SLMAP: variants seen among roughly 807,000 people sequenced by gnomAD.
SLMAP encodes the protein sarcolemmal membrane-associated protein.
SLMAP carries 44 observed loss-of-function variants against 128.8 expected under a neutral mutation model. That is an observed-to-expected ratio of 0.34 (90% CI 0.27 to 0.44). SLMAP has a LOEUF of 0.44. Ranked by LOEUF, SLMAP falls within the 20% of genes least tolerant of loss-of-function variation. The pLI, the probability that SLMAP is intolerant of heterozygous loss-of-function variation, is 1.00. For synonymous variants in SLMAP, 327 were observed against 348.8 expected, an observed-to-expected ratio of 0.94 and a Z score of 0.70; for missense variants, 787 against 985.3, an observed-to-expected ratio of 0.80 and a Z score of 2.69.
intron 2 of SLMAP, among the ~76,000 whole-genome samples, chr3:57,758,662 T>C (rs912332470): frequency 1.3e-5 from 2 of 152,250 alleles, no homozygotes; most frequent in African/African-American, 2.4e-5. Context: ...CTTTTCATTT[T>C]AAGCGTAACC....
At chr3:57,852,409 CTCATTTAA>C (rs1464984725) in intron 6 of SLMAP, among the ~76,000 whole-genome samples, 1 of 152,166 alleles carries the variant, frequency 6.6e-6, no homozygotes, top group Admixed American at 6.5e-5. Context: ...CCAAAATTCC[CTCATTTAA>C]TCCTTGGCTT....
intron 3 of SLMAP, among the ~76,000 whole-genome samples, chr3:57,840,633 G>C (rs151284946): frequency 1.9e-3 from 294 of 152,304 alleles, no homozygotes; most frequent in African/African-American, 6.9e-3. Flanking sequence ...AGATGCAACA[G>C]TGAGAAGCTG....
chr3:57,766,367 CT>C (rs954268123), intron 2 of SLMAP, among the ~76,000 whole-genome samples: 42 of 151,948 alleles, frequency 2.8e-4, no homozygotes, highest in African/African-American at 9.9e-4. Flanking sequence ...AGTATTTATT[CT>C]TTTTGGTAAG....
intron 2 of SLMAP, among the ~76,000 whole-genome samples, chr3:57,821,918 C>T (rs922142829): frequency 2.0e-5 from 3 of 147,214 alleles, no homozygotes; most frequent in African/African-American, 8.0e-5. Flanking sequence ...CCTGTTCCTC[C>T]TCCTCCTCCT....
chr3:57,890,623 A>G (rs2096039097), intron 15 of SLMAP: 1 of 152,350 alleles, frequency 6.6e-6, no homozygotes, highest in Non-Finnish European at 1.5e-5. Flanking sequence ...TAGTCCAGTA[A>G]TTGCCCAAAG....
Position 57,896,251 on chromosome 3 carries a change from C to G in SLMAP, c.1361-260C>G, listed in dbSNP as rs1351425300. The G allele has an allele frequency of 3.5e-6, 4 of 1,143,778 alleles. No homozygotes were observed. The African/African-American group carries it at 4.9e-5, about 14-fold the overall frequency. 70.9% of individuals were successfully genotyped at this position (1,143,778 alleles called of 1,614,324 possible). On this transcript the variant is annotated intron_variant, in intron 15 of 24. Transcript: ENST00000671191. ...TTGCTTCGTTTTTGTTTCCAGTTGGCAAGTGGACAGCCTTGAACAAAAGCC... is the reference window on the plus strand; with the variant it reads ...TTGCTTCGTTTTTGTTTCCAGTTGGGAAGTGGACAGCCTTGAACAAAAGCC...
chr3:57,774,509 A>AATTATTATTATTATTATT (rs66990452), intron 2 of SLMAP, among the ~76,000 whole-genome samples: 8 of 147,400 alleles, frequency 5.4e-5, no homozygotes, highest in African/African-American at 2.0e-4. Context: ...TTTAATAGAC[A>AATTATTATTATTATTATT]ATTATTATTA....
chr3:57,864,903 A>T, intron 12 of SLMAP, 46 bp downstream of exon 12: 4 of 1,455,828 alleles, frequency 2.7e-6, no homozygotes, highest in Non-Finnish European at 3.7e-6. Context: ...TTTTATCCTT[A>T]AACTTTTGAC....
chr3:57,861,711 C>T (rs1357810034), intron 9 of SLMAP, among the ~76,000 whole-genome samples: 1 of 152,128 alleles, frequency 6.6e-6, no homozygotes, highest in Non-Finnish European at 1.5e-5. Context: ...TTTTCCTGCC[C>T]CTGCTCTCCC....
At position 57,929,685 on chromosome 3, in the gene SLMAP, T is replaced by G. The variant is rs2097050908; in HGVS notation, c.*2396T>G. Among the ~76,000 whole-genome samples the G allele has an allele frequency of 1.3e-5, 2 of 152,184 alleles. No individual in the cohort carries two copies. The highest frequency in any genetic ancestry group is 4.8e-5 in the African/African-American group (2 of 41,442). On this transcript the variant is annotated 3_prime_UTR_variant, in exon 25 of 25. Coordinates refer to ENST00000671191, the MANE Select transcript of SLMAP (RefSeq NM_001377540.1). ...TATTCAAAGGTGCTACATGGCAGGG[T>G]TAGAGAATAAAAAGAACGTGGTGTT...
At chr3:57,855,603 A>G (rs1036675319) in intron 6 of SLMAP, among the ~76,000 whole-genome samples, 2 of 149,000 alleles carry the variant, frequency 1.3e-5, no homozygotes, top group African/African-American at 4.9e-5. Context: ...TGGGGCAGGC[A>G]TGGTGGCTCA....
intron 19 of SLMAP, among the ~76,000 whole-genome samples, chr3:57,910,939 A>G (rs1249666123): frequency 2.0e-5 from 3 of 152,204 alleles, no homozygotes; most frequent in East Asian, 1.9e-4. Context: ...TGAGTGGAAC[A>G]TTTGAGTTAT....
intron 22 of SLMAP, 106 bp downstream of exon 22, chr3:57,917,183 C>G: frequency 6.4e-7 from 1 of 1,560,166 alleles, no homozygotes; most frequent in Non-Finnish European, 8.7e-7. Context: ...AGTCACATTA[C>G]CTGTCACAAA....
Position 57,860,695 on chromosome 3 carries a change from G to T in SLMAP, c.688-4G>T. Reference sequence around the variant, plus strand: ...TCTATAATTATAAATATCTTTTATTGTAGAATCAAACAGAAGATAGTTTAC... The same window carrying T: ...TCTATAATTATAAATATCTTTTATTTTAGAATCAAACAGAAGATAGTTTAC... On this transcript the variant is annotated splice_polypyrimidine_tract_variant and splice_region_variant and intron_variant, in intron 8 of 24. Transcript: ENST00000671191. 1 of 1,532,838 alleles carries T rather than the reference G, an allele frequency of 6.5e-7. No individual in the cohort carries two copies. The allele number at this position is 1,532,838 out of a possible 1,614,324, so 95.0% of individuals were successfully genotyped here.
chr3:57,811,001 A>G (rs906845177), intron 2 of SLMAP, among the ~76,000 whole-genome samples: 2 of 152,094 alleles, frequency 1.3e-5, no homozygotes, highest in African/African-American at 2.4e-5. Context: ...AGCTTAATTT[A>G]TATCTCAAGC....
At chr3:57,769,833 A>G (rs2080470903) in intron 2 of SLMAP, among the ~76,000 whole-genome samples, 1 of 152,192 alleles carries the variant, frequency 6.6e-6, no homozygotes. Flanking sequence ...TATAGATAGT[A>G]CGTTTCCAAT....
intron 24 of SLMAP, among the ~76,000 whole-genome samples, chr3:57,926,998 G>A (rs913016973): frequency 6.6e-6 from 1 of 152,128 alleles, no homozygotes; most frequent in Non-Finnish European, 1.5e-5. Context: ...AAAGCAGGCA[G>A]AGCCCACAAA....
chr3:57,807,135 C>A (rs1252695363), intron 2 of SLMAP, among the ~76,000 whole-genome samples: 2 of 152,152 alleles, frequency 1.3e-5, no homozygotes, highest in Non-Finnish European at 1.5e-5. Context: ...AGCTTTCTTT[C>A]ATATATTTGT....
chr3:57,806,400 T>C (rs887868541), intron 2 of SLMAP, among the ~76,000 whole-genome samples: 1 of 152,144 alleles, frequency 6.6e-6, no homozygotes, highest in Non-Finnish European at 1.5e-5. Context: ...TTTTTATGGC[T>C]GCGTAGTATT....
Sources: gnomAD v4.1 joint callset for allele counts (sites outside exome capture counted in the v4.1 genomes callset) on GRCh38, gnomAD v4.1.1 for gene constraint, MANE v1.5 for transcripts, NCBI Gene and HGNC (gene_info 2026-07-23, HGNC 2026-07-21) for gene names.